The following TIAM1 variants were observed in gnomAD, a reference collection of about 807,000 sequenced individuals.
TIAM1 encodes the protein rho guanine nucleotide exchange factor TIAM1.
In TIAM1, 65 loss-of-function variants were observed where a neutral mutation model predicts 163.5. The observed-to-expected ratio is 0.40, with a 90% CI of 0.33 to 0.49. The LOEUF is 0.49. Among genes scored for constraint, TIAM1 ranks in the 20% least tolerant of loss-of-function variants. The pLI is 0.77. For missense variants in TIAM1, 1,789 were observed against 2,044.7 expected (o/e 0.87, Z 2.41); for synonymous variants, 833 against 810.1 (o/e 1.03, Z -0.48).
intron 12 of TIAM1, among the ~76,000 whole-genome samples, chr21:31,200,668 A>G (rs1032754712): frequency 6.6e-6 from 1 of 151,662 alleles, no homozygotes; most frequent in Non-Finnish European, 1.5e-5. Context: ...TATATTACCA[A>G]TAATTCAAAA....
intron 2 of TIAM1, among the ~76,000 whole-genome samples, chr21:31,443,698 C>T (rs1025257337): frequency 2.6e-5 from 4 of 152,172 alleles, no homozygotes; most frequent in Non-Finnish European, 5.9e-5. Flanking sequence ...TCTCTTTTAG[C>T]TTCTGAAATA....
chr21:31,466,016 T>A (rs1459390666), intron 1 of TIAM1, among the ~76,000 whole-genome samples: 1 of 152,174 alleles, frequency 6.6e-6, no homozygotes, highest in African/African-American at 2.4e-5. Context: ...TTCTTACAGG[T>A]CTTGATATTC....
intron 2 of TIAM1, among the ~76,000 whole-genome samples, chr21:31,405,066 A>AC (rs1253713679): frequency 6.7e-6 from 1 of 149,088 alleles, no homozygotes; most frequent in African/African-American, 2.5e-5. Flanking sequence ...AGAGAGTGAG[A>AC]CCCCCTCATC....
At position 31,147,016 on chromosome 21, in the gene TIAM1, AG is replaced by A. The variant is rs1216565643; in HGVS notation, c.3367-14del. On this transcript the variant is annotated splice_polypyrimidine_tract_variant and intron_variant, in intron 19 of 27. Coordinates refer to ENST00000541036, the MANE Select transcript of TIAM1 (RefSeq NM_001353694.2). ...AGAACAGCACTTTCTGGATTTGACGAGAAAAGGCACAGTTGGTTGTTTCCTT... is the reference window on the plus strand; with the variant it reads ...AGAACAGCACTTTCTGGATTTGACGAAAAAGGCACAGTTGGTTGTTTCCTT... 1 of 1,609,824 alleles carries A rather than the reference AG, an allele frequency of 6.2e-7. No individual in the cohort carries two copies. The highest frequency in any genetic ancestry group is 1.3e-5 in the African/African-American group (1 of 74,850).
At chr21:31,440,462 T>C (rs2044377336) in intron 2 of TIAM1, among the ~76,000 whole-genome samples, 1 of 152,166 alleles carries the variant, frequency 6.6e-6, no homozygotes, top group Non-Finnish European at 1.5e-5. Context: ...ACCTAAATTC[T>C]TGGCCTTTAA....
intron 2 of TIAM1, chr21:31,452,866 A>T: frequency 1.9e-6 from 1 of 519,366 alleles, no homozygotes; most frequent in Non-Finnish European, 3.9e-6. Context: ...GACCTGGAAA[A>T]AGCAGTGCAG....
At chr21:31,461,709 A>G (rs1490478115) in intron 2 of TIAM1, among the ~76,000 whole-genome samples, 1 of 152,156 alleles carries the variant, frequency 6.6e-6, no homozygotes, top group Non-Finnish European at 1.5e-5. Flanking sequence ...TCTATTGCCC[A>G]AGCTGGAGTG....
chr21:31,215,926 C>T (rs1436666873), intron 9 of TIAM1, among the ~76,000 whole-genome samples: 2 of 152,088 alleles, frequency 1.3e-5, no homozygotes, highest in African/African-American at 4.8e-5. Context: ...TTTGGGAGGC[C>T]GAAGTGGGCA....
At chr21:31,285,862 C>A (rs150189938) in intron 2 of TIAM1, among the ~76,000 whole-genome samples, 1 of 151,898 alleles carries the variant, frequency 6.6e-6, no homozygotes, top group African/African-American at 2.4e-5. Flanking sequence ...TCCGTCTCAA[C>A]AAATAAATTA....
intron 1 of TIAM1, among the ~76,000 whole-genome samples, chr21:31,532,678 G>C (rs1353461850): frequency 6.6e-6 from 1 of 152,138 alleles, no homozygotes; most frequent in Non-Finnish European, 1.5e-5. Flanking sequence ...CCGCACTCTA[G>C]CTTCAAACAC....
chr21:31,432,342 G>A (rs1345730838), intron 2 of TIAM1, among the ~76,000 whole-genome samples: 1 of 152,006 alleles, frequency 6.6e-6, no homozygotes, highest in Non-Finnish European at 1.5e-5. Flanking sequence ...CTCATGATCT[G>A]CCCGCCTCAG....
chr21:31,415,875 C>T (rs2043355237), intron 2 of TIAM1, among the ~76,000 whole-genome samples: 1 of 152,098 alleles, frequency 6.6e-6, no homozygotes, highest in Non-Finnish European at 1.5e-5. Flanking sequence ...GTCTCGGCCA[C>T]CTCCCAGGTC....
At chr21:31,122,212 G>A (rs2082028680) in intron 27 of TIAM1, among the ~76,000 whole-genome samples, 1 of 152,094 alleles carries the variant, frequency 6.6e-6, no homozygotes, top group African/African-American at 2.4e-5. Flanking sequence ...CACTACTGTT[G>A]GTTGAGGATG....
chr21:31,470,739 C>T (rs2147372018), intron 1 of TIAM1, among the ~76,000 whole-genome samples: 1 of 152,258 alleles, frequency 6.6e-6, no homozygotes, highest in Admixed American at 6.5e-5. Flanking sequence ...CAAAAGGTGA[C>T]CAAAAATTTT....
intron 16 of TIAM1, among the ~76,000 whole-genome samples, chr21:31,162,337 A>T (rs1214478997): frequency 6.6e-6 from 1 of 152,222 alleles, no homozygotes. Flanking sequence ...ATTTACTATT[A>T]ATAACACACA....
chr21:31,533,190 ACG>A (rs1569417213), intron 1 of TIAM1, among the ~76,000 whole-genome samples: 6 of 152,038 alleles, frequency 3.9e-5, no homozygotes, highest in African/African-American at 1.4e-4. Context: ...GCATGGTGGC[ACG>A]CACCTGTAAT....
chr21:31,210,716 A>G lies in TIAM1; in HGVS notation c.2218-501T>C, dbSNP rs1416291275. Among the ~76,000 whole-genome samples the G allele has an allele frequency of 4.4e-4, 48 of 109,362 alleles. 1 individual carries two copies. Among genetic ancestry groups the G allele is most frequent in the African/African-American group, 2.4e-3 (44 of 18,050 alleles). 71.7% of individuals were successfully genotyped at this position (109,362 alleles called of 152,430 possible). A position where few individuals can be genotyped will look rare whatever the true frequency, so the allele number is the denominator to read the frequency against. On this transcript the variant is annotated intron_variant, in intron 10 of 27. Transcript: ENST00000541036. ...AAGAAAGAAAGAAAGAGAAAGAAAG[A>G]GAAAGAAAGAAAGAGAAAGAAGGAA... is the stretch of plus-strand genomic sequence containing the variant.
intron 4 of TIAM1, among the ~76,000 whole-genome samples, chr21:31,258,614 G>A (rs973563236): frequency 6.6e-6 from 1 of 152,082 alleles, no homozygotes; most frequent in African/African-American, 2.4e-5. Context: ...GGTGGATCAC[G>A]AAGTCAAGAG....
chr21:31,204,838 TAA>T (rs1442751357), intron 11 of TIAM1, among the ~76,000 whole-genome samples: 2 of 152,338 alleles, frequency 1.3e-5, no homozygotes, highest in East Asian at 3.9e-4. Flanking sequence ...AGCAGAAGGA[TAA>T]AGTTTTCTAT....
Sources: allele counts gnomAD v4.1 joint callset (sites outside exome capture counted in the v4.1 genomes callset), GRCh38; gene constraint gnomAD v4.1.1; transcripts MANE v1.5; gene names NCBI Gene and HGNC (gene_info 2026-07-23, HGNC 2026-07-21).